Variants in SMG1 observed in about 807,000 individuals in gnomAD.
The protein encoded by SMG1 is SMG1 nonsense mediated mRNA decay associated PI3K related kinase, also known as serine/threonine-protein kinase SMG1.
A neutral mutation model predicts 419.9 loss-of-function variants in SMG1; 22 were observed. The ratio of observed to expected loss-of-function variants is 0.05; its 90% CI spans 0.04 to 0.07. The LOEUF (loss-of-function observed/expected upper bound fraction) is 0.07, where lower values mean the gene tolerates loss of function less well. SMG1 is among the 10% of genes least tolerant of loss of function. The pLI is 1.00. For missense variants in SMG1, 3,185 were observed against 4,342.0 expected (o/e 0.73, Z 7.49); for synonymous variants, 1,538 against 1,553.5 (o/e 0.99, Z 0.23).
intron 38 of SMG1, 98 bp downstream of exon 38, chr16:18,847,355 T>C: frequency 7.6e-7 from 1 of 1,313,896 alleles, no homozygotes; most frequent in Admixed American, 1.8e-5. Context: ...TGCCACTGAA[T>C]TGTACACTTA....
At chr16:18,923,144 G>A (rs1432347482) in intron 1 of SMG1, among the ~76,000 whole-genome samples, 3 of 152,102 alleles carry the variant, frequency 2.0e-5, no homozygotes, top group South Asian at 2.1e-4. Context: ...ATAAGCCAGT[G>A]CCATATAAAT....
intron 23 of SMG1, among the ~76,000 whole-genome samples, chr16:18,865,740 G>A (rs2035466025): frequency 6.6e-6 from 1 of 151,424 alleles, no homozygotes; most frequent in South Asian, 2.1e-4. Flanking sequence ...TGGGCTCACA[G>A]CAACCTCCGC....
At chr16:18,864,190 T>C (rs1425972967) in intron 23 of SMG1, 46 bp from the exon 24 acceptor site, 13 of 777,012 alleles carry the variant, frequency 1.7e-5, no homozygotes, top group South Asian at 1.2e-4. Context: ...CTACTTACTT[T>C]TTTTTTTTTT....
rs913954126 is a variant in SMG1 at position 18,924,661 on chromosome 16, AT to A, written c.92+1288del. Among the ~76,000 whole-genome samples, 650 of 148,982 alleles carry A rather than the reference AT, an allele frequency of 4.4e-3. 2 individuals are homozygous for A. Among genetic ancestry groups the A allele is most frequent in the African/African-American group, 0.013 (518 of 40,850 alleles). On this transcript the variant is annotated intron_variant, in intron 1 of 62. Transcript: ENST00000446231. ...AAGTCAACGCTGTTTATCGAACAATATTTTTTTTTTTACGACTAAACATCTC... is the reference window on the plus strand; with the variant it reads ...AAGTCAACGCTGTTTATCGAACAATATTTTTTTTTTACGACTAAACATCTC...
At chr16:18,922,325 T>C (rs1386067294) in intron 1 of SMG1, among the ~76,000 whole-genome samples, 3 of 152,154 alleles carry the variant, frequency 2.0e-5, no homozygotes, top group Non-Finnish European at 2.9e-5. Context: ...AGGTCAGATA[T>C]CCCTTTGTTC....
In SMG1 at chr16:18,806,932, C is replaced by A. The variant is rs2141901135; in HGVS notation, c.*2637G>T. The A allele has an allele frequency of 6.6e-6, 1 of 152,322 alleles. No homozygotes were observed. The highest frequency in any genetic ancestry group is 1.5e-5 in the Non-Finnish European group (1 of 68,040). 9.4% of individuals were successfully genotyped at this position (152,322 alleles called of 1,614,324 possible). ...TTGTAGAATGACTTAACAGAGGAAG[C>A]CAAACTATACAGACCAGGGCCTTGT... On this transcript the variant is annotated 3_prime_UTR_variant, in exon 63 of 63. Transcript: ENST00000446231.
At chr16:18,874,271 T>C (rs577957379) in intron 13 of SMG1, among the ~76,000 whole-genome samples, 1 of 152,030 alleles carries the variant, frequency 6.6e-6, no homozygotes, top group East Asian at 2.0e-4. Context: ...CCAAAGTAGC[T>C]AGGATTACAG....
At chr16:18,905,628 T>TTTATA (rs2037530453) in intron 1 of SMG1, among the ~76,000 whole-genome samples, 1 of 151,730 alleles carries the variant, frequency 6.6e-6, no homozygotes. Flanking sequence ...TTTTTTTTTT[T>TTTATA]TTGAGACAGA....
chr16:18,913,595 T>C (rs1426884740), intron 1 of SMG1, among the ~76,000 whole-genome samples: 1 of 152,096 alleles, frequency 6.6e-6, no homozygotes, highest in Non-Finnish European at 1.5e-5. Flanking sequence ...GCCTTTTTTC[T>C]AGGCTATTAA....
At chr16:18,921,819 T>C (rs1448355174) in intron 1 of SMG1, among the ~76,000 whole-genome samples, 1 of 152,220 alleles carries the variant, frequency 6.6e-6, no homozygotes, top group East Asian at 1.9e-4. Context: ...TTTCCATTTC[T>C]TGGTCTTTCA....
intron 1 of SMG1, among the ~76,000 whole-genome samples, chr16:18,902,705 C>CAA (rs536940919): frequency 1.1e-4 from 13 of 116,864 alleles, no homozygotes; most frequent in African/African-American, 3.2e-4. Flanking sequence ...GGCCCTGTCT[C>CAA]AAAAAAAAAA....
intron 1 of SMG1, among the ~76,000 whole-genome samples, chr16:18,914,689 T>C (rs2037905467): frequency 2.6e-5 from 4 of 152,058 alleles, no homozygotes; most frequent in African/African-American, 9.7e-5. Context: ...TAAAGAAATC[T>C]GTTGATTCTG....
At chr16:18,832,903 C>T (rs1214594683) in intron 51 of SMG1, 37 bp downstream of exon 51, 2 of 1,576,850 alleles carry the variant, frequency 1.3e-6, no homozygotes, top group Non-Finnish European at 1.7e-6. Flanking sequence ...TGTCCCATCT[C>T]TTTTACAAGG....
chr16:18,884,657 T>A (rs563422962), intron 8 of SMG1: 1 of 181,758 alleles, frequency 5.5e-6, no homozygotes, highest in African/African-American at 2.4e-5. Flanking sequence ...TGAGCCACGT[T>A]AGTCATTCAC....
At chr16:18,860,126 G>A (rs575789887) in intron 26 of SMG1, among the ~76,000 whole-genome samples, 2 of 152,318 alleles carry the variant, frequency 1.3e-5, no homozygotes, top group South Asian at 4.1e-4. Flanking sequence ...GCTGAGGCAG[G>A]AGAATCACTT....
chr16:18,892,945 G>T (rs1229809430), intron 3 of SMG1, among the ~76,000 whole-genome samples: 1 of 152,150 alleles, frequency 6.6e-6, no homozygotes, highest in Non-Finnish European at 1.5e-5. Context: ...GGCTGGGAGA[G>T]AAAAAAGAAA....
intron 40 of SMG1, 21 bp downstream of exon 40, chr16:18,842,187 G>A: frequency 1.3e-6 from 2 of 1,598,984 alleles, no homozygotes; most frequent in Admixed American, 3.5e-5. Context: ...TCTGAAAAAT[G>A]GAGGAAGTCT....
intron 9 of SMG1, among the ~76,000 whole-genome samples, 179 bp downstream of exon 9, chr16:18,883,891 C>A (rs570674302): frequency 6.7e-6 from 1 of 149,350 alleles, no homozygotes; most frequent in South Asian, 2.1e-4. Flanking sequence ...TGCACTCCAG[C>A]CTGGGTGACA....
chr16:18,843,611 T>C (rs1217519135), intron 39 of SMG1, among the ~76,000 whole-genome samples: 6 of 152,214 alleles, frequency 3.9e-5, no homozygotes, highest in African/African-American at 1.4e-4. Context: ...TAATAGATCA[T>C]TGTTTAGCTA....
Sources: gnomAD v4.1 joint callset for allele counts (sites outside exome capture counted in the v4.1 genomes callset) on GRCh38, gnomAD v4.1.1 for gene constraint, MANE v1.5 for transcripts, NCBI Gene and HGNC (gene_info 2026-07-23, HGNC 2026-07-21) for gene names.